OSBPL3: variants seen among roughly 807,000 people sequenced by gnomAD.
The protein encoded by OSBPL3 is oxysterol binding protein like 3.
Under a neutral mutation model 120.1 loss-of-function variants are expected in OSBPL3, and 65 were observed. The observed-to-expected ratio is 0.54, with a 90% CI of 0.44 to 0.67. The LOEUF (loss-of-function observed/expected upper bound fraction) is 0.67, where lower values mean the gene tolerates loss of function less well. Ranked by LOEUF, OSBPL3 falls within the 30% of genes least tolerant of loss-of-function variation. The probability of loss-of-function intolerance (pLI) is 0.00; values close to 1 mark genes in which losing one functional copy is unlikely to be tolerated. For synonymous variants in OSBPL3, 416 were observed against 402.6 expected (o/e 1.03, Z -0.40); for missense variants, 1,004 against 1,082.1 (o/e 0.93, Z 1.01).
In OSBPL3 at chr7:24,815,926, C is replaced by T. The variant is rs1028133259; in HGVS notation, c.2027+684G>A. 2.0e-5 allele frequency among the ~76,000 whole-genome samples: 3 copies of T among 152,170 alleles called. No homozygotes were observed. Among genetic ancestry groups the T allele is most frequent in the Non-Finnish European group, 4.4e-5 (3 of 68,038 alleles). ...TTTCAGAGTCCCTGCTCAGAAGCAT[C>T]TTGCTTTATAAATAAGTATCAATCA... is the stretch of plus-strand genomic sequence containing the variant. On this transcript the variant is annotated intron_variant, in intron 18 of 22. Coordinates refer to ENST00000313367, the MANE Select transcript of OSBPL3 (RefSeq NM_015550.4). The surrounding 1 kb of genome is among the most constrained non-coding windows in gnomAD (Gnocchi z 5.1).
At chr7:24,917,446 T>TATATATTTGTAACATATATATATAC (rs1366145573) in intron 1 of OSBPL3, among the ~76,000 whole-genome samples, 3 of 122,228 alleles carry the variant, frequency 2.5e-5, no homozygotes, top group East Asian at 2.5e-4. Context: ...TATATATATA[T>TATATATTTGTAACATATATATATAC]ACACACACAT....
chr7:24,859,477 T>C (rs1584405888), intron 10 of OSBPL3, among the ~76,000 whole-genome samples: 1 of 152,224 alleles, frequency 6.6e-6, no homozygotes, highest in East Asian at 1.9e-4. Context: ...ATCATACCTA[T>C]ATATTGTTTT....
chr7:24,823,508 G>C (rs571860929), intron 16 of OSBPL3, among the ~76,000 whole-genome samples: 1 of 152,196 alleles, frequency 6.6e-6, no homozygotes, highest in East Asian at 1.9e-4. Context: ...GAGTGATAAA[G>C]GTAGCACTCC....
intron 1 of OSBPL3, among the ~76,000 whole-genome samples, chr7:24,926,251 C>T (rs1039013271): frequency 6.6e-6 from 1 of 152,062 alleles, no homozygotes; most frequent in Non-Finnish European, 1.5e-5. Context: ...TTATGCCATG[C>T]CCCTGATCAA....
chr7:24,850,133 C>G (rs779232057), intron 11 of OSBPL3, among the ~76,000 whole-genome samples: 1 of 152,130 alleles, frequency 6.6e-6, no homozygotes, highest in Non-Finnish European at 1.5e-5. Flanking sequence ...AGGACCATGG[C>G]TCTGGGAATG....
intron 2 of OSBPL3, among the ~76,000 whole-genome samples, chr7:24,889,601 GA>G (rs1000940968): frequency 5.4e-5 from 8 of 149,252 alleles, no homozygotes; most frequent in African/African-American, 1.5e-4. Context: ...CAACAAACCT[GA>G]AAAAAAAAGA....
chr7:24,809,698 A>C (rs1333434425), intron 20 of OSBPL3, 109 bp downstream of exon 20: 11 of 991,774 alleles, frequency 1.1e-5, no homozygotes, highest in Non-Finnish European at 1.5e-5. Context: ...TCAAAGCAGA[A>C]GAGGCTGGAG....
At chr7:24,865,186 G>A (rs915557760) in intron 7 of OSBPL3, among the ~76,000 whole-genome samples, 156 bp downstream of exon 7, 5 of 152,220 alleles carry the variant, frequency 3.3e-5, no homozygotes, top group African/African-American at 1.2e-4. Flanking sequence ...CAAGGAGAGT[G>A]TCTTTTGTTG....
At position 24,854,278 on chromosome 7, in the gene OSBPL3, T is replaced by C. The variant is rs542531050; in HGVS notation, c.1028-1644A>G. ...ATGTCTTCTCAAATGACCTAGCACA[T>C]TACTGAATTCCACAGGGCTGCATTT... On this transcript the variant is annotated intron_variant, in intron 10 of 22. Transcript: ENST00000313367. This position sits in a 1 kb window ranked among gnomAD's most constrained non-coding sequence, Gnocchi z 4.1. 1.3e-5 allele frequency among the ~76,000 whole-genome samples: 2 copies of C among 152,260 alleles called. No individual in the cohort carries two copies. Among genetic ancestry groups the C allele is most frequent in the African/African-American group, 4.8e-5 (2 of 41,542 alleles).
intron 16 of OSBPL3, among the ~76,000 whole-genome samples, chr7:24,826,445 AACGAACAGCAT>A (rs1285429365): frequency 7.2e-5 from 11 of 152,158 alleles, no homozygotes; most frequent in Non-Finnish European, 1.0e-4. Context: ...GCATGGTGAG[AACGAACAGCAT>A]ACACAAAGGG....
At chr7:24,917,142 T>C (rs1240841668) in intron 1 of OSBPL3, among the ~76,000 whole-genome samples, 1 of 151,916 alleles carries the variant, frequency 6.6e-6, no homozygotes, top group East Asian at 1.9e-4. Context: ...AGCACCATTA[T>C]AGTGGTCCAT....
At chr7:24,889,208 G>T (rs1216896440) in intron 2 of OSBPL3, among the ~76,000 whole-genome samples, 3 of 152,196 alleles carry the variant, frequency 2.0e-5, no homozygotes, top group African/African-American at 7.2e-5. Flanking sequence ...CAATCACATG[G>T]ATGAACTGGA....
chr7:24,929,593 A>G (rs1276227750), intron 1 of OSBPL3, among the ~76,000 whole-genome samples: 1 of 149,516 alleles, frequency 6.7e-6, no homozygotes, highest in Admixed American at 6.7e-5. Flanking sequence ...ATTCTCTCCC[A>G]AATACCACAC....
chr7:24,814,453 T>A (rs569462335), intron 19 of OSBPL3, among the ~76,000 whole-genome samples: 11 of 151,048 alleles, frequency 7.3e-5, no homozygotes, highest in African/African-American at 2.7e-4. Context: ...TGATACAGCA[T>A]GACATTAAAA....
In OSBPL3 at chr7:24,863,253, G is replaced by A; in HGVS notation, c.817C>T (p.His273Tyr). ...FESPKKEKRS[H>Y]RRWRSRAIGK... ...ATAGCTCTGGACCGCCACCTCCTGTGCGATCTTTTTTCCTTTTTGGGACTT... is the reference window on the plus strand; with the variant it reads ...ATAGCTCTGGACCGCCACCTCCTGTACGATCTTTTTTCCTTTTTGGGACTT... The change falls in exon 9 of 23, where the codon CAC (histidine) becomes TAC (tyrosine). Residue 273 changes from histidine (H) to tyrosine (Y), a missense_variant. By Grantham distance (83) the His-to-Tyr change is moderately conservative (BLOSUM62 2). Around this residue, in one of 4 missense-constraint regions of OSBPL3, gnomAD observed 272 missense variants for 248.8 expected, o/e 1.09. Transcript: ENST00000313367. The surrounding 1 kb of genome is among the most constrained non-coding windows in gnomAD (Gnocchi z 5.8). 2 of 1,614,130 alleles carry A rather than the reference G, an allele frequency of 1.2e-6. No homozygotes were observed. Among genetic ancestry groups the A allele is most frequent in the Non-Finnish European group, 1.7e-6 (2 of 1,179,986 alleles).
At chr7:24,884,583 A>C (rs1224782242) in intron 2 of OSBPL3, among the ~76,000 whole-genome samples, 1 of 152,180 alleles carries the variant, frequency 6.6e-6, no homozygotes, top group Non-Finnish European at 1.5e-5. Context: ...GAAGCAGGGA[A>C]GCAGCTGTGA....
intron 18 of OSBPL3, among the ~76,000 whole-genome samples, chr7:24,816,174 G>A (rs943124217): frequency 6.6e-6 from 1 of 152,092 alleles, no homozygotes; most frequent in African/African-American, 2.4e-5. Context: ...ACAGGTGCGT[G>A]CCACCACTAT....
In OSBPL3 at chr7:24,898,747, A is replaced by G. The variant is rs146124031; in HGVS notation, c.-149-6126T>C. Reference sequence around the variant, plus strand: ...CTGAGTAAACAAAACAACAAGCGCAATAACACCAGTCATTAGAATCATGGA... The same window carrying G: ...CTGAGTAAACAAAACAACAAGCGCAGTAACACCAGTCATTAGAATCATGGA... On this transcript the variant is annotated intron_variant, in intron 1 of 22. Coordinates refer to ENST00000313367, the MANE Select transcript of OSBPL3 (RefSeq NM_015550.4). This position sits in a 1 kb window ranked among gnomAD's most constrained non-coding sequence, Gnocchi z 4.3. Among the ~76,000 whole-genome samples, 4 of 152,292 alleles carry G rather than the reference A, an allele frequency of 2.6e-5. No homozygotes were observed. The East Asian group carries it at 5.8e-4, about 22-fold the overall frequency.
chr7:24,808,624 C>T lies in OSBPL3; in HGVS notation c.2317+1183G>A, dbSNP rs1793371040. On this transcript the variant is annotated intron_variant, in intron 20 of 22. Coordinates refer to ENST00000313367, the MANE Select transcript of OSBPL3 (RefSeq NM_015550.4). The surrounding 1 kb of genome is among the most constrained non-coding windows in gnomAD (Gnocchi z 4.6). ...GCAACAGTGGGAGATGTGGCAGCTA[C>T]CCATTGAAAGGGCCACTGCTGGCTG... is the stretch of plus-strand genomic sequence containing the variant. 6.6e-6 allele frequency among the ~76,000 whole-genome samples: 1 copy of T among 152,172 alleles called. No homozygotes were observed. Among genetic ancestry groups the T allele is most frequent in the South Asian group, 2.1e-4 (1 of 4,828 alleles).
Sources: allele counts gnomAD v4.1 joint callset (sites outside exome capture counted in the v4.1 genomes callset), GRCh38; gene constraint gnomAD v4.1.1; regional missense constraint gnomAD v4.1.1; non-coding constraint Gnocchi (gnomAD v3.1); transcripts MANE v1.5; gene names NCBI Gene and HGNC (gene_info 2026-07-23, HGNC 2026-07-21).